Variants in ATP10B observed in about 807,000 individuals in gnomAD.
ATP10B encodes the protein ATPase phospholipid transporting 10B (putative).
Under a neutral mutation model 141.2 loss-of-function variants are expected in ATP10B, and 122 were observed. That is an observed-to-expected ratio of 0.86 (90% confidence interval 0.75 to 1.00). The LOEUF is 1.00. Ranked by LOEUF, ATP10B falls within the 50% of genes least tolerant of loss-of-function variation. The pLI, the probability that ATP10B is intolerant of heterozygous loss-of-function variation, is 0.00. For missense variants in ATP10B, 1,876 were observed against 1,825.3 expected, an observed-to-expected ratio of 1.03 and a Z score of -0.51; for synonymous variants, 685 against 692.0, an observed-to-expected ratio of 0.99 and a Z score of 0.16.
At chr5:160,657,229 C>G (rs1367187136) in intron 7 of ATP10B, among the ~76,000 whole-genome samples, 1 of 152,000 alleles carries the variant, frequency 6.6e-6, no homozygotes, top group African/African-American at 2.4e-5. Context: ...GTTCTTCACG[C>G]CCCAGCTGCT....
chr5:160,614,852 C>G (rs1757910107), intron 17 of ATP10B, among the ~76,000 whole-genome samples: 1 of 152,202 alleles, frequency 6.6e-6, no homozygotes, highest in African/African-American at 2.4e-5. Flanking sequence ...TCCTCATCCC[C>G]AGGTCAACAC....
Position 160,804,575 on chromosome 5 carries a change from A to C in ATP10B, c.-575-18772T>G, listed in dbSNP as rs75434364. Among the ~76,000 whole-genome samples the C allele has an allele frequency of 1.7e-3, 252 of 152,354 alleles. 1 individual carries two copies. Among genetic ancestry groups the C allele is most frequent in the African/African-American group, 5.6e-3 (234 of 41,582 alleles). On this transcript the variant is annotated intron_variant, in intron 1 of 25. Coordinates refer to ENST00000327245, the MANE Select transcript of ATP10B (RefSeq NM_025153.3). ...TTAGGATTCTAACCCAGGTTCATAT[A>C]GATCCAAAGACCCATGTCCCTTTAG...
chr5:160,794,896 ATTGTTG>A (rs1171337341), intron 1 of ATP10B, among the ~76,000 whole-genome samples: 1 of 152,116 alleles, frequency 6.6e-6, no homozygotes, highest in Non-Finnish European at 1.5e-5. Context: ...CTTTATTGTT[ATTGTTG>A]TTGTCTGTTT....
chr5:160,861,046 A>G, the ATP10B span, among the ~76,000 whole-genome samples: 1 of 152,024 alleles, frequency 6.6e-6, no homozygotes, highest in South Asian at 2.1e-4. Context: ...ATACTTCTTT[A>G]CTTTGCTCTT....
chr5:160,801,692 A>T (rs1057238804), intron 1 of ATP10B, among the ~76,000 whole-genome samples: 1 of 152,202 alleles, frequency 6.6e-6, no homozygotes, highest in African/African-American at 2.4e-5. Context: ...TCTAACTCAA[A>T]TCAATGCCTA....
Position 160,688,775 on chromosome 5 carries a change from C to G in ATP10B, c.-36G>C. ...AGAAACTCACCTGTGGCCGGAACCT[C>G]AAAGGAGAGTGATAAGTAGAATAGA... On this transcript the variant is annotated 5_prime_UTR_variant, in exon 4 of 26. It removes the in-frame stop codon of an upstream open reading frame in the 5' UTR. Transcript: ENST00000327245. 1.0e-6 allele frequency: 1 copy of G among 985,444 alleles called. No individual in the cohort carries two copies. Among genetic ancestry groups the G allele is most frequent in the Non-Finnish European group, 1.2e-6 (1 of 829,956 alleles). The allele number at this position is 985,444 out of a possible 1,614,324, so 61.0% of individuals were successfully genotyped here.
chr5:160,647,385 C>T (rs1428730327), intron 8 of ATP10B, among the ~76,000 whole-genome samples: 1 of 152,174 alleles, frequency 6.6e-6, no homozygotes, highest in Non-Finnish European at 1.5e-5. Context: ...GGGTTAGCTA[C>T]TCCGCAGTCC....
intron 1 of ATP10B, among the ~76,000 whole-genome samples, chr5:160,849,491 TTAAGACAGTAC>T (rs1753662577): frequency 6.6e-6 from 1 of 152,156 alleles, no homozygotes; most frequent in South Asian, 2.1e-4. Context: ...CTCCAGACGT[TTAAGACAGTAC>T]TTAATAAACA....
chr5:160,727,355 C>A (rs1766434351), intron 2 of ATP10B, among the ~76,000 whole-genome samples: 2 of 152,184 alleles, frequency 1.3e-5, no homozygotes, highest in South Asian at 4.1e-4. Context: ...GTGGTACAGC[C>A]TACACAGGCC....
At chr5:160,851,032 AT>A (rs1753774719) in intron 1 of ATP10B, among the ~76,000 whole-genome samples, 2 of 152,184 alleles carry the variant, frequency 1.3e-5, no homozygotes, top group Non-Finnish European at 2.9e-5. Context: ...TTGACTGTAC[AT>A]TTGCAAGATC....
intron 13 of ATP10B, among the ~76,000 whole-genome samples, chr5:160,624,464 T>C (rs1237751360): frequency 6.6e-6 from 1 of 152,182 alleles, no homozygotes; most frequent in Non-Finnish European, 1.5e-5. Context: ...AGAAAAAAAG[T>C]CTACTTACCA....
the ATP10B span, among the ~76,000 whole-genome samples, chr5:160,863,843 T>C: frequency 6.6e-6 from 1 of 151,910 alleles, no homozygotes; most frequent in East Asian, 1.9e-4. Context: ...CTAGAAAATA[T>C]AGAGGAGATG....
At chr5:160,823,649 G>C (rs950621157) in intron 1 of ATP10B, among the ~76,000 whole-genome samples, 1 of 152,148 alleles carries the variant, frequency 6.6e-6, no homozygotes, top group Non-Finnish European at 1.5e-5. Context: ...GAGGTCAGGA[G>C]ATCGAGACCA....
At chr5:160,889,025 G>A in the ATP10B span, among the ~76,000 whole-genome samples, 1 of 152,006 alleles carries the variant, frequency 6.6e-6, no homozygotes, top group African/African-American at 2.4e-5. Context: ...GAAAAAATAG[G>A]GTGGGGATAA....
chr5:160,862,287 T>C, the ATP10B span, among the ~76,000 whole-genome samples: 44 of 152,018 alleles, frequency 2.9e-4, 3 homozygotes. Flanking sequence ...ATTCAATCGG[T>C]TAAAAGGTCA....
intron 24 of ATP10B, among the ~76,000 whole-genome samples, chr5:160,588,542 G>C (rs911739063): frequency 1.3e-5 from 2 of 152,180 alleles, no homozygotes; most frequent in African/African-American, 2.4e-5. Flanking sequence ...AGTGTTCCCT[G>C]TGTACCATTC....
chr5:160,800,758 C>T (rs1772322688), intron 1 of ATP10B, among the ~76,000 whole-genome samples: 1 of 152,116 alleles, frequency 6.6e-6, no homozygotes, highest in Admixed American at 6.6e-5. Flanking sequence ...TCAGTGTTTG[C>T]TGAGTCTGAG....
intron 3 of ATP10B, among the ~76,000 whole-genome samples, chr5:160,716,151 A>G (rs904935847): frequency 8.5e-5 from 13 of 152,248 alleles, no homozygotes; most frequent in Admixed American, 2.0e-4. Context: ...CATTCAGTAA[A>G]TGTCAAAAAT....
At chr5:160,823,158 G>T (rs377243021) in intron 1 of ATP10B, among the ~76,000 whole-genome samples, 2 of 151,084 alleles carry the variant, frequency 1.3e-5, no homozygotes, top group South Asian at 4.2e-4. Context: ...CATGTAGATA[G>T]GCTGGATAAA....
Sources: allele counts gnomAD v4.1 joint callset (sites outside exome capture counted in the v4.1 genomes callset), GRCh38; gene constraint gnomAD v4.1.1; transcripts MANE v1.5; gene names NCBI Gene and HGNC (gene_info 2026-07-23, HGNC 2026-07-21).